MINDY4: variants seen among roughly 807,000 people sequenced by gnomAD.
The protein encoded by MINDY4 is MINDY lysine 48 deubiquitinase 4, also known as probable ubiquitin carboxyl-terminal hydrolase MINDY-4.
A neutral mutation model predicts 87.0 loss-of-function variants in MINDY4; 68 were observed. That is an observed-to-expected ratio of 0.78 (90% CI 0.64 to 0.96). The LOEUF (loss-of-function observed/expected upper bound fraction) is 0.96, where lower values mean the gene tolerates loss of function less well. MINDY4 is among the 40% of genes least tolerant of loss of function. The pLI is 0.00. For synonymous variants in MINDY4, 379 were observed against 363.2 expected (o/e 1.04, Z -0.50); for missense variants, 919 against 928.2 (o/e 0.99, Z 0.13).
At chr7:30,829,849 C>A (rs914213702) in intron 6 of MINDY4, among the ~76,000 whole-genome samples, 1 of 152,208 alleles carries the variant, frequency 6.6e-6, no homozygotes, top group Non-Finnish European at 1.5e-5. Context: ...GGTTCCTGGT[C>A]TTCAGAACCC....
intron 5 of MINDY4, among the ~76,000 whole-genome samples, chr7:30,817,575 C>T (rs1253166167): frequency 6.6e-6 from 1 of 152,086 alleles, no homozygotes; most frequent in African/African-American, 2.4e-5. Context: ...CTGGTGGGCA[C>T]CTCCAGTGTT....
At chr7:30,871,488 C>T (rs552156568) in intron 13 of MINDY4, among the ~76,000 whole-genome samples, 9 of 152,318 alleles carry the variant, frequency 5.9e-5, no homozygotes, top group South Asian at 4.1e-4. Context: ...GGTTTTCTGC[C>T]TCACGTGTGG....
chr7:30,884,025 C>T (rs1022771205), intron 17 of MINDY4, among the ~76,000 whole-genome samples: 1 of 152,140 alleles, frequency 6.6e-6, no homozygotes, highest in African/African-American at 2.4e-5. Context: ...ATGACCTCAG[C>T]CACTCCTGAT....
chr7:30,847,614 G>A (rs6959949), intron 9 of MINDY4, among the ~76,000 whole-genome samples: 22,131 of 152,170 alleles, frequency 0.15, 1,744 homozygotes, highest in Middle Eastern at 0.26. Flanking sequence ...AGGATATAAT[G>A]GTACCTCCCT....
intron 17 of MINDY4, among the ~76,000 whole-genome samples, chr7:30,889,601 G>A (rs1466666849): frequency 6.6e-6 from 1 of 152,174 alleles, no homozygotes; most frequent in Non-Finnish European, 1.5e-5. Context: ...CTCTGATATG[G>A]ATAAATTCCA....
At position 30,883,109 on chromosome 7, in the gene MINDY4, A is replaced by G. The variant is rs1232717061; in HGVS notation, c.2225+116A>G. ...TAGGTTCCTGGACCACCCTGATTCA[A>G]AGAGGTGTGGTGATTGGAAAGACAC... On this transcript the variant is annotated intron_variant, in intron 17 of 17. Coordinates refer to ENST00000265299, the MANE Select transcript of MINDY4 (RefSeq NM_032222.3). 4.2e-6 allele frequency: 4 copies of G among 958,112 alleles called. No individual in the cohort carries two copies. In the African/African-American group the frequency reaches 4.9e-5, roughly 12 times the overall value. 59.4% of individuals were successfully genotyped at this position (958,112 alleles called of 1,614,324 possible). A position where few individuals can be genotyped will look rare whatever the true frequency, so the allele number is the denominator to read the frequency against.
chr7:30,784,816 A>T (rs1787110002), intron 3 of MINDY4, among the ~76,000 whole-genome samples: 1 of 152,060 alleles, frequency 6.6e-6, no homozygotes, highest in Admixed American at 6.6e-5. Flanking sequence ...TCTGCCTGAC[A>T]TGCCACAATC....
chr7:30,887,541 G>A (rs867010491), intron 17 of MINDY4, among the ~76,000 whole-genome samples: 2 of 152,258 alleles, frequency 1.3e-5, no homozygotes, highest in African/African-American at 2.4e-5. Context: ...TCAGGAGCAG[G>A]CAGAGAGGAG....
chr7:30,868,330 A>G (rs182087294), intron 13 of MINDY4, among the ~76,000 whole-genome samples: 22 of 152,226 alleles, frequency 1.4e-4, no homozygotes, highest in Admixed American at 1.0e-3. Context: ...TGACCACAAA[A>G]CCACGAGTCC....
At chr7:30,774,224 C>G (rs1786735814) in intron 1 of MINDY4, among the ~76,000 whole-genome samples, 1 of 152,358 alleles carries the variant, frequency 6.6e-6, no homozygotes, top group Admixed American at 6.5e-5. Flanking sequence ...ACTGAGAAAA[C>G]AGAAGTCTTG....
chr7:30,786,912 C>T (rs1003826684), intron 4 of MINDY4, among the ~76,000 whole-genome samples: 9 of 152,092 alleles, frequency 5.9e-5, no homozygotes, highest in African/African-American at 1.9e-4. Context: ...CAAAAGCAAA[C>T]ACCAAACTCA....
At chr7:30,787,352 G>A (rs78815389) in intron 4 of MINDY4, among the ~76,000 whole-genome samples, 1 of 152,196 alleles carries the variant, frequency 6.6e-6, no homozygotes, top group Non-Finnish European at 1.5e-5. Flanking sequence ...GGGGAAAGGG[G>A]CTAGAATGGT....
chr7:30,788,768 T>G (rs1787232043), intron 4 of MINDY4, among the ~76,000 whole-genome samples: 1 of 152,206 alleles, frequency 6.6e-6, no homozygotes, highest in African/African-American at 2.4e-5. Flanking sequence ...TAGATGGTCG[T>G]GCAGTGCCAG....
chr7:30,779,057 A>C (rs1319520448), intron 2 of MINDY4, among the ~76,000 whole-genome samples: 1 of 152,178 alleles, frequency 6.6e-6, no homozygotes, highest in Non-Finnish European at 1.5e-5. Flanking sequence ...AGCAAATGGA[A>C]CTGTGTTTTC....
At chr7:30,891,825 T>A (rs1302764601) in intron 17 of MINDY4, 132 bp from the exon 18 acceptor site, 10 of 847,632 alleles carry the variant, frequency 1.2e-5, no homozygotes, top group Non-Finnish European at 1.8e-5. Flanking sequence ...AGGGGTGAGA[T>A]GAGCAGGATG....
chr7:30,891,881 G>A (rs1790804138), intron 17 of MINDY4, 76 bp from the exon 18 acceptor site: 5 of 1,456,634 alleles, frequency 3.4e-6, no homozygotes, highest in Non-Finnish European at 4.8e-6. Flanking sequence ...TTCAGGAAGT[G>A]GAGGCAAGAG....
At chr7:30,871,503 C>A (rs1226338125) in intron 13 of MINDY4, among the ~76,000 whole-genome samples, 1 of 152,216 alleles carries the variant, frequency 6.6e-6, no homozygotes, top group Non-Finnish European at 1.5e-5. Context: ...GTGTGGCACA[C>A]CTCTGCTCAC....
intron 5 of MINDY4, among the ~76,000 whole-genome samples, chr7:30,814,092 A>C (rs1175567709): frequency 1.3e-5 from 2 of 152,264 alleles, no homozygotes; most frequent in East Asian, 3.8e-4. Context: ...CGTCAGGTTC[A>C]GAAGCAGAGT....
At chr7:30,821,457 A>G (rs144806274) in intron 5 of MINDY4, among the ~76,000 whole-genome samples, 1 of 152,294 alleles carries the variant, frequency 6.6e-6, no homozygotes, top group Non-Finnish European at 1.5e-5. Flanking sequence ...ATTGCTATTG[A>G]GAAGTCTGCT....
Sources: gnomAD v4.1 joint callset for allele counts (sites outside exome capture counted in the v4.1 genomes callset) on GRCh38, gnomAD v4.1.1 for gene constraint, MANE v1.5 for transcripts, NCBI Gene and HGNC (gene_info 2026-07-23, HGNC 2026-07-21) for gene names.